UBE2E3: variants seen among roughly 807,000 people sequenced by gnomAD.
The protein encoded by UBE2E3 is ubiquitin-conjugating enzyme E2 E3.
In UBE2E3, 5 loss-of-function variants were observed where a neutral mutation model predicts 23.6. The observed-to-expected ratio is 0.21, with a 90% CI of 0.11 to 0.44. The LOEUF is 0.44. Ranked by LOEUF, UBE2E3 falls within the 20% of genes least tolerant of loss-of-function variation. The pLI is 0.99. For synonymous variants in UBE2E3, 78 were observed against 87.5 expected, an observed-to-expected ratio of 0.89 and a Z score of 0.60; for missense variants, 81 against 249.8, an observed-to-expected ratio of 0.32 and a Z score of 4.55.
intron 3 of UBE2E3, among the ~76,000 whole-genome samples, chr2:181,032,324 AT>A (rs942601409): frequency 5.3e-5 from 8 of 152,068 alleles, no homozygotes; most frequent in African/African-American, 9.7e-5. Flanking sequence ...AATCGGTAAT[AT>A]TTTTTTCCTC....
intron 5 of UBE2E3, 109 bp from the exon 6 acceptor site, chr2:181,062,682 A>G (rs185497717): frequency 3.9e-4 from 187 of 477,710 alleles, no homozygotes; most frequent in Non-Finnish European, 6.4e-4. Flanking sequence ...TAGCTATTAT[A>G]TATGAAGATA....
Position 180,984,058 on chromosome 2 carries a change from A to T in UBE2E3, c.210A>T (p.Leu70=). Residue 70 remains leucine, a synonymous_variant, in exon 3 of 6, where the codon CTA becomes CTT. Coordinates refer to ENST00000410062, the MANE Select transcript of UBE2E3 (RefSeq NM_006357.4). The stretch of plus-strand genomic sequence containing the variant: ...TCACTAACAGAATTCAGAAGGAGCT[A>T]GCTGAAATAACCCTTGATCCTCCTC... ...STSAKRIQKE[L]AEITLDPPPN... 6.2e-7 allele frequency: 1 copy of T among 1,612,106 alleles called. No homozygotes were observed. The highest frequency in any genetic ancestry group is 2.2e-5 in the East Asian group (1 of 44,854).
chr2:181,023,673 T>C (rs1456176062), intron 3 of UBE2E3, among the ~76,000 whole-genome samples: 1 of 152,148 alleles, frequency 6.6e-6, no homozygotes, highest in Non-Finnish European at 1.5e-5. Context: ...GCATCCAATA[T>C]AGCAAAGGGG....
chr2:180,987,472 G>A (rs909956963), intron 3 of UBE2E3: 29 of 1,473,486 alleles, frequency 2.0e-5, no homozygotes, highest in African/African-American at 4.2e-5. Context: ...TATTTTAAGA[G>A]TGTATGTTCA....
At chr2:181,032,145 T>G (rs1454767431) in intron 3 of UBE2E3, among the ~76,000 whole-genome samples, 1 of 152,232 alleles carries the variant, frequency 6.6e-6, no homozygotes, top group Non-Finnish European at 1.5e-5. Context: ...ACAAATTTTA[T>G]GCCTAGCTTT....
chr2:180,990,158 G>A, intron 3 of UBE2E3: 1 of 601,346 alleles, frequency 1.7e-6, no homozygotes, highest in Non-Finnish European at 2.8e-6. Context: ...GGCAATTTTT[G>A]TCCTCCCCTT....
chr2:181,025,135 G>A (rs1231726282), intron 3 of UBE2E3, among the ~76,000 whole-genome samples: 2 of 151,858 alleles, frequency 1.3e-5, no homozygotes, highest in Non-Finnish European at 2.9e-5. Context: ...TAATTTATAG[G>A]GGCACGAGTG....
intron 3 of UBE2E3, among the ~76,000 whole-genome samples, chr2:180,994,749 G>A (rs995150816): frequency 6.6e-5 from 10 of 152,142 alleles, no homozygotes; most frequent in African/African-American, 2.4e-4. Flanking sequence ...GGTGAATGGT[G>A]TAGCCTAGAA....
chr2:181,058,264 C>CT (rs1263879507), intron 4 of UBE2E3, among the ~76,000 whole-genome samples: 1 of 151,708 alleles, frequency 6.6e-6, no homozygotes, highest in African/African-American at 2.4e-5. Flanking sequence ...TAAGCAAAAA[C>CT]TTCATAGCCA....
intron 3 of UBE2E3, among the ~76,000 whole-genome samples, chr2:181,015,195 T>G (rs1685448893): frequency 6.6e-6 from 1 of 152,188 alleles, no homozygotes; most frequent in Non-Finnish European, 1.5e-5. Flanking sequence ...ACATGTGAAT[T>G]TAGTATAAAA....
At chr2:181,019,066 C>T (rs2030242) in intron 3 of UBE2E3, among the ~76,000 whole-genome samples, 58,315 of 151,944 alleles carry the variant, frequency 0.38, 11,932 homozygotes, top group East Asian at 0.57. Context: ...CAGGTTCAAG[C>T]GATTCTCGTG....
chr2:181,035,778 G>A (rs1044307401), intron 3 of UBE2E3, among the ~76,000 whole-genome samples: 4 of 152,046 alleles, frequency 2.6e-5, no homozygotes, highest in African/African-American at 7.2e-5. Context: ...GGACACCCCT[G>A]ATATATAGTT....
intron 3 of UBE2E3, among the ~76,000 whole-genome samples, chr2:181,014,373 A>G (rs1257054808): frequency 1.3e-5 from 2 of 152,188 alleles, no homozygotes; most frequent in Non-Finnish European, 2.9e-5. Flanking sequence ...TTATTTGAGT[A>G]TTTTAGGTGT....
intron 5 of UBE2E3, among the ~76,000 whole-genome samples, chr2:181,062,419 TATTTTAAA>T (rs1687186354): frequency 6.6e-6 from 1 of 151,672 alleles, no homozygotes; most frequent in Non-Finnish European, 1.5e-5. Context: ...ACTGGGGTTT[TATTTTAAA>T]ATTAACCATT....
Position 181,034,583 on chromosome 2 carries a change from A to G in UBE2E3, c.246-23110A>G, listed in dbSNP as rs189845914. ...AGGAGATACACCTAATGTAAATGAC[A>G]AGTTAATGGGTGCAGCACACCAACA... On this transcript the variant is annotated intron_variant, in intron 3 of 5. Transcript: ENST00000410062. Among the ~76,000 whole-genome samples the G allele has an allele frequency of 5.7e-3, 870 of 152,268 alleles. 6 individuals are homozygous for G. The highest frequency in any genetic ancestry group is 0.011 in the Non-Finnish European group (716 of 68,018).
chr2:181,048,852 T>A (rs547546004), intron 3 of UBE2E3, among the ~76,000 whole-genome samples: 1 of 152,274 alleles, frequency 6.6e-6, no homozygotes, highest in East Asian at 1.9e-4. Flanking sequence ...GTTCTCCGCC[T>A]ACTTCACACA....
chr2:180,987,264 A>C (rs1241914342), intron 3 of UBE2E3: 4 of 1,490,882 alleles, frequency 2.7e-6, no homozygotes, highest in Admixed American at 2.1e-5. Context: ...CCCTATTTGT[A>C]TTTATTGAGA....
At chr2:181,016,014 C>G (rs4286243) in intron 3 of UBE2E3, among the ~76,000 whole-genome samples, 56,914 of 143,884 alleles carry the variant, frequency 0.4, 13,926 homozygotes, top group East Asian at 0.59. Flanking sequence ...AAAATTTGTT[C>G]AATTCAACTA....
intron 2 of UBE2E3, 69 bp downstream of exon 2, chr2:180,982,305 GGTT>G: frequency 7.0e-7 from 1 of 1,419,878 alleles, no homozygotes; most frequent in South Asian, 1.3e-5. Context: ...CGCTTTTGTT[GGTT>G]TTACCTCAAT....
Sources: gnomAD v4.1 joint callset for allele counts (sites outside exome capture counted in the v4.1 genomes callset) on GRCh38, gnomAD v4.1.1 for gene constraint, MANE v1.5 for transcripts, NCBI Gene and HGNC (gene_info 2026-07-23, HGNC 2026-07-21) for gene names.